Variants in ITGA8 observed in about 807,000 individuals in gnomAD.
ITGA8 encodes the protein integrin alpha-8.
A neutral mutation model predicts 142.3 loss-of-function variants in ITGA8; 91 were observed. That is an observed-to-expected ratio of 0.64 (90% CI 0.54 to 0.76). ITGA8 has a LOEUF of 0.76. Ranked by LOEUF, ITGA8 falls within the 30% of genes least tolerant of loss-of-function variation. The pLI is 0.00. For synonymous variants in ITGA8, 505 were observed against 485.2 expected, an observed-to-expected ratio of 1.04 and a Z score of -0.54; for missense variants, 1,406 against 1,327.7, an observed-to-expected ratio of 1.06 and a Z score of -0.92.
At position 15,663,043 on chromosome 10, in the gene ITGA8, G is replaced by A. The variant is rs1022112569; in HGVS notation, c.848-2121C>T. On this transcript the variant is annotated intron_variant, in intron 8 of 29. Coordinates refer to ENST00000378076, the MANE Select transcript of ITGA8 (RefSeq NM_003638.3). ...ATTGTATGTAATTTTTAGGGGTTCC[G>A]ATCCAGTGAGGCCTATGCATGTCCC... Among the ~76,000 whole-genome samples, 6 of 152,164 alleles carry A rather than the reference G, an allele frequency of 3.9e-5. No homozygotes were observed. The South Asian group carries it at 6.2e-4, about 16-fold the overall frequency.
At position 15,613,776 on chromosome 10, in the gene ITGA8, A is replaced by G. The variant is rs908409280; in HGVS notation, c.1446-9T>C. 1 of 1,591,760 alleles carries G rather than the reference A, an allele frequency of 6.3e-7. No individual in the cohort carries two copies. Among genetic ancestry groups the G allele is most frequent in the African/African-American group, 1.3e-5 (1 of 74,432 alleles). ...TCACAACCGGTCTTGCTCTGCGGGG[A>G]GAAAATGCAGGGTTTGTTTAAATAA... On this transcript the variant is annotated splice_polypyrimidine_tract_variant and intron_variant, in intron 14 of 29. Coordinates refer to ENST00000378076, the MANE Select transcript of ITGA8 (RefSeq NM_003638.3).
rs71374639 is a variant in ITGA8 at position 15,694,678 on chromosome 10, CATATAT to C, written c.344-6646_344-6641del. On this transcript the variant is annotated intron_variant, in intron 2 of 29. Coordinates refer to ENST00000378076, the MANE Select transcript of ITGA8 (RefSeq NM_003638.3). ...TATATATTATATCTATATTTGTCGA[CATATAT>C]ATATATATATATATATATGTCGACA... Among the ~76,000 whole-genome samples, 321 of 77,510 alleles carry C rather than the reference CATATAT, an allele frequency of 4.1e-3. 5 individuals carry two copies. Among genetic ancestry groups the C allele is most frequent in the East Asian group, 0.032 (91 of 2,814 alleles). 50.8% of individuals were successfully genotyped at this position (77,510 alleles called of 152,430 possible).
intron 19 of ITGA8, among the ~76,000 whole-genome samples, chr10:15,604,713 A>C (rs967669222): frequency 6.6e-6 from 1 of 152,118 alleles, no homozygotes; most frequent in Non-Finnish European, 1.5e-5. Flanking sequence ...CAAATTTAAC[A>C]TTTCACTTAC....
chr10:15,719,686 A>G lies in ITGA8; in HGVS notation c.86T>C (p.Met29Thr). 1 of 1,479,390 alleles carries G rather than the reference A, an allele frequency of 6.8e-7. No individual in the cohort carries two copies. Among genetic ancestry groups the G allele is most frequent in the Non-Finnish European group, 8.9e-7 (1 of 1,124,944 alleles). The allele number at this position is 1,479,390 out of a possible 1,614,324, so 91.6% of individuals were successfully genotyped here. A position where few individuals can be genotyped will look rare whatever the true frequency, so the allele number is the denominator to read the frequency against. Residue 29 changes from methionine to threonine, a missense_variant, in exon 1 of 30, where the codon ATG becomes ACG. Met to Thr is a moderately conservative substitution (Grantham distance 81). Transcript: ENST00000378076. ...PLCCAAAALG[M>T]LLWSPACQAF... Reference sequence around the variant, plus strand: ...CTGACAGGCGGGGGACCACAGCAACATCCCCAGCGCGGCCGCGGCGCAGCA... The same window carrying G: ...CTGACAGGCGGGGGACCACAGCAACGTCCCCAGCGCGGCCGCGGCGCAGCA...
chr10:15,699,115 C>G (rs761747669), intron 2 of ITGA8, among the ~76,000 whole-genome samples: 1 of 152,128 alleles, frequency 6.6e-6, no homozygotes, highest in Non-Finnish European at 1.5e-5. Context: ...GAAACCTCAC[C>G]TCTACTAAAA....
chr10:15,664,037 C>T (rs1288075147), intron 8 of ITGA8, among the ~76,000 whole-genome samples: 1 of 152,182 alleles, frequency 6.6e-6, no homozygotes, highest in Non-Finnish European at 1.5e-5. Flanking sequence ...CAGCCAACAG[C>T]ACTTTTTAGA....
intron 27 of ITGA8, among the ~76,000 whole-genome samples, chr10:15,535,979 A>C (rs1044226693): frequency 8.6e-5 from 13 of 151,906 alleles, no homozygotes; most frequent in African/African-American, 3.1e-4. Context: ...CTGCCTTAAG[A>C]GCTGTTAACA....
At chr10:15,596,491 C>A (rs1833013682) in intron 21 of ITGA8, 1 of 152,180 alleles carries the variant, frequency 6.6e-6, no homozygotes, top group Non-Finnish European at 1.5e-5. Flanking sequence ...CCATGGTAAC[C>A]AATAATAATA....
chr10:15,598,571 T>C (rs1833046774), intron 20 of ITGA8, among the ~76,000 whole-genome samples: 2 of 152,208 alleles, frequency 1.3e-5, no homozygotes, highest in African/African-American at 2.4e-5. Flanking sequence ...TTTGTGTCTG[T>C]TCTAGTCCTA....
chr10:15,680,773 A>ATT (rs74261032), intron 4 of ITGA8, among the ~76,000 whole-genome samples: 8 of 143,260 alleles, frequency 5.6e-5, no homozygotes, highest in Admixed American at 2.1e-4. Context: ...GAAAACATTC[A>ATT]TTTTTTTTTT....
At position 15,606,411 on chromosome 10, in the gene ITGA8, T is replaced by C; in HGVS notation, c.1776A>G (p.Glu592=). 6.3e-7 allele frequency: 1 copy of C among 1,594,134 alleles called. No homozygotes were observed. The highest frequency in any genetic ancestry group is 2.3e-5 in the East Asian group (1 of 44,324). The change falls in exon 18 of 30, where the codon GAA becomes GAG. Residue 592 remains glutamate (E), a synonymous_variant. Coordinates refer to ENST00000378076, the MANE Select transcript of ITGA8 (RefSeq NM_003638.3). ...TGATTGGAGATAATTTATCTCGGAA[T>C]TCAGTTTCATCCTAGGAAAAATAAT... ...DFIVYLRDET[E]FRDKLSPINI...
intron 11 of ITGA8, among the ~76,000 whole-genome samples, chr10:15,654,709 A>G (rs1834151458): frequency 6.6e-6 from 1 of 152,234 alleles, no homozygotes; most frequent in African/African-American, 2.4e-5. Context: ...AAAGCCTGGA[A>G]CGTGGTGTGT....
chr10:15,616,069 C>CAAATACA (rs1364446829), intron 14 of ITGA8, among the ~76,000 whole-genome samples: 1 of 152,164 alleles, frequency 6.6e-6, no homozygotes, highest in African/African-American at 2.4e-5. Context: ...GAACTGTTTT[C>CAAATACA]AATACTTGCC....
rs915163184 is a variant in ITGA8 at position 15,719,901 on chromosome 10, G to T, written c.-130C>A. 7.5e-6 allele frequency: 5 copies of T among 664,650 alleles called. No individual in the cohort carries two copies. The highest frequency in any genetic ancestry group is 3.5e-5 in the East Asian group (1 of 28,938). The allele number at this position is 664,650 out of a possible 1,614,324, so 41.2% of individuals were successfully genotyped here. On this transcript the variant is annotated 5_prime_UTR_variant, in exon 1 of 30. Coordinates refer to ENST00000378076, the MANE Select transcript of ITGA8 (RefSeq NM_003638.3). ...CCGGGTCGGTGCGCTCGGCGCACCC[G>T]TGGTGACAGTGCCCGGCGTCTGCTC...
At chr10:15,576,712 CT>C (rs1165467252) in intron 23 of ITGA8, among the ~76,000 whole-genome samples, 1 of 152,148 alleles carries the variant, frequency 6.6e-6, no homozygotes, top group Non-Finnish European at 1.5e-5. Context: ...ATGATAAACT[CT>C]TTGGTTTGTG....
intron 13 of ITGA8, among the ~76,000 whole-genome samples, chr10:15,626,000 C>T (rs780255664): frequency 3.3e-5 from 5 of 152,172 alleles, no homozygotes; most frequent in Non-Finnish European, 5.9e-5. Context: ...AATGGTGGCT[C>T]CATCTTTGCC....
intron 4 of ITGA8, among the ~76,000 whole-genome samples, chr10:15,681,457 G>A (rs1834735790): frequency 1.3e-5 from 2 of 152,198 alleles, no homozygotes; most frequent in South Asian, 4.1e-4. Flanking sequence ...GCTCCATTCT[G>A]TCTTTGTTGA....
At chr10:15,619,799 C>A (rs573055191) in intron 13 of ITGA8, among the ~76,000 whole-genome samples, 6 of 152,226 alleles carry the variant, frequency 3.9e-5, no homozygotes, top group Admixed American at 3.9e-4. Flanking sequence ...AATATTTAGA[C>A]AAGTGTAACA....
intron 11 of ITGA8, among the ~76,000 whole-genome samples, chr10:15,651,918 GTAAT>G (rs1834093021): frequency 6.6e-6 from 1 of 152,090 alleles, no homozygotes; most frequent in South Asian, 2.1e-4. Flanking sequence ...TAGCATCTAA[GTAAT>G]TAAAAACAGC....
Sources: gnomAD v4.1 joint callset for allele counts (sites outside exome capture counted in the v4.1 genomes callset) on GRCh38, gnomAD v4.1.1 for gene constraint, MANE v1.5 for transcripts, NCBI Gene and HGNC (gene_info 2026-07-23, HGNC 2026-07-21) for gene names.